The following SACM1L variants were observed in gnomAD, a reference collection of about 807,000 sequenced individuals.
SACM1L encodes phosphatidylinositol-3-phosphatase SAC1.
In SACM1L, 32 loss-of-function variants were observed where a neutral mutation model predicts 89.5. That is an observed-to-expected ratio of 0.36 (90% CI 0.27 to 0.48). The LOEUF is 0.48. Ranked by LOEUF, SACM1L falls within the 20% of genes least tolerant of loss-of-function variation. SACM1L has a pLI of 0.99. For missense variants in SACM1L, 543 were observed against 708.5 expected (o/e 0.77, Z 2.65); for synonymous variants, 213 against 232.8 (o/e 0.92, Z 0.77).
chr3:45,704,603 G>C (rs545492354), intron 2 of SACM1L, among the ~76,000 whole-genome samples: 25 of 152,238 alleles, frequency 1.6e-4, no homozygotes, highest in African/African-American at 6.0e-4. Flanking sequence ...ATACAACCTA[G>C]TGTCTTACAA....
chr3:45,699,648 C>T (rs1358559207), intron 1 of SACM1L, among the ~76,000 whole-genome samples: 2 of 151,980 alleles, frequency 1.3e-5, no homozygotes, highest in African/African-American at 2.4e-5. Context: ...CTGCCTTAGC[C>T]TTAGCGGGGA....
intron 1 of SACM1L, among the ~76,000 whole-genome samples, chr3:45,702,626 G>A (rs1488413181): frequency 6.6e-6 from 1 of 152,144 alleles, no homozygotes; most frequent in Non-Finnish European, 1.5e-5. Context: ...TGAAAACGCA[G>A]TTTTACTTTA....
At chr3:45,702,409 G>C (rs1005853188) in intron 1 of SACM1L, among the ~76,000 whole-genome samples, 4 of 152,300 alleles carry the variant, frequency 2.6e-5, no homozygotes, top group Non-Finnish European at 4.4e-5. Flanking sequence ...TGCACAGATA[G>C]AACAGATAGA....
chr3:45,723,019 A>G (rs1698822263), intron 10 of SACM1L, 64 bp downstream of exon 10: 3 of 1,221,302 alleles, frequency 2.5e-6, no homozygotes, highest in Admixed American at 1.8e-5. Context: ...TATAATTTGC[A>G]TGTAAAGAAT....
Position 45,703,395 on chromosome 3 carries a change from C to T in SACM1L, c.33-43C>T, listed in dbSNP as rs1032516791. ...TAATAAGTAGTTTTTTAGAAGTCTTCATTTCATTTGGTTAGTTATTTATGT... is the reference window on the plus strand; with the variant it reads ...TAATAAGTAGTTTTTTAGAAGTCTTTATTTCATTTGGTTAGTTATTTATGT... On this transcript the variant is annotated intron_variant, in intron 1 of 19. Transcript: ENST00000389061. 5.3e-6 allele frequency: 7 copies of T among 1,325,922 alleles called. No homozygotes were observed. The South Asian group carries it at 8.3e-5, about 16-fold the overall frequency. 82.1% of individuals were successfully genotyped at this position (1,325,922 alleles called of 1,614,324 possible).
chr3:45,703,749 G>A (rs1262006896), intron 2 of SACM1L, among the ~76,000 whole-genome samples: 1 of 151,948 alleles, frequency 6.6e-6, no homozygotes, highest in African/African-American at 2.4e-5. Flanking sequence ...GAAAATTTTA[G>A]GTAGCATTTT....
In SACM1L at chr3:45,738,583, G is replaced by A; in HGVS notation, c.1388G>A (p.Gly463Glu). The A allele has an allele frequency of 1.2e-6, 2 of 1,605,820 alleles. No homozygotes were observed. The highest frequency in any genetic ancestry group is 1.7e-6 in the Non-Finnish European group (2 of 1,172,934). ...GALKTDFTRT[G>E]KRTHLGLIMD... ...AATTTAACCTCTTTAACCAGAACTG[G>A]AAAGAGAACTCATTTGGGACTTATA... The change falls in exon 17 of 20, where the codon GGA becomes GAA. Residue 463 changes from glycine (G) to glutamate (E), a missense_variant. Transcript: ENST00000389061.
In SACM1L at chr3:45,728,248, C is replaced by T. The variant is rs9879869; in HGVS notation, c.922-3053C>T. Among the ~76,000 whole-genome samples, 393 of 152,254 alleles carry T rather than the reference C, an allele frequency of 2.6e-3. 6 individuals are homozygous for T. The highest frequency in any genetic ancestry group is 9.0e-3 in the African/African-American group (373 of 41,552). On this transcript the variant is annotated intron_variant, in intron 11 of 19. Coordinates refer to ENST00000389061, the MANE Select transcript of SACM1L (RefSeq NM_014016.5). ...TATTTTTTTCCATTTTGCCAGTCTACTTATTTTTACTGGAGAGTTAATCCA... is the reference window on the plus strand; with the variant it reads ...TATTTTTTTCCATTTTGCCAGTCTATTTATTTTTACTGGAGAGTTAATCCA...
intron 1 of SACM1L, among the ~76,000 whole-genome samples, chr3:45,695,134 G>A (rs547973025): frequency 6.6e-6 from 1 of 152,270 alleles, no homozygotes; most frequent in South Asian, 2.1e-4. Flanking sequence ...CTGCCTATGA[G>A]TGTAGTATGT....
intron 16 of SACM1L, 121 bp from the exon 17 acceptor site, chr3:45,738,457 T>C: frequency 1.6e-6 from 1 of 613,380 alleles, no homozygotes; most frequent in South Asian, 2.1e-5. Context: ...ATCTGTATTT[T>C]CAGGGATAGT....
chr3:45,709,716 A>C, intron 5 of SACM1L, 69 bp downstream of exon 5: 1 of 1,369,502 alleles, frequency 7.3e-7, no homozygotes, highest in Non-Finnish European at 1.0e-6. Context: ...TTCATGCATA[A>C]AAATTTATAT....
At chr3:45,736,420 A>G (rs1699197838) in intron 14 of SACM1L, among the ~76,000 whole-genome samples, 1 of 152,170 alleles carries the variant, frequency 6.6e-6, no homozygotes, top group Admixed American at 6.6e-5. Context: ...AATGCATACC[A>G]CATGGTTTCC....
chr3:45,690,956 T>C (rs549210423), intron 1 of SACM1L, among the ~76,000 whole-genome samples: 7 of 152,230 alleles, frequency 4.6e-5, no homozygotes, highest in Non-Finnish European at 1.0e-4. Flanking sequence ...CATGGCTTCA[T>C]GCAGCTTAGC....
Position 45,722,934 on chromosome 3 carries a change from G to C in SACM1L, c.831G>C (p.Gln277His), listed in dbSNP as rs1213908372. 1.2e-6 allele frequency: 2 copies of C among 1,613,530 alleles called. No homozygotes were observed. The highest frequency in any genetic ancestry group is 1.1e-5 in the South Asian group (1 of 91,032). The change falls in exon 10 of 20, where the codon CAG becomes CAC. Residue 277 changes from glutamine to histidine, a missense_variant. By Grantham distance (24) the Gln-to-His change is conservative. Around this residue, in one of 2 missense-constraint regions of SACM1L, gnomAD observed 370 missense variants for 527.6 expected, o/e 0.70. Transcript: ENST00000389061. ...RPNLKYKPLP[Q>H]ISKVANHMDG... The stretch of plus-strand genomic sequence containing the variant: ...ACCTCAAGTACAAACCACTGCCACA[G>C]ATCAGCAAAGTAGCAAATCACGTGT...
chr3:45,695,166 AGTT>A lies in SACM1L; in HGVS notation c.32+5673_32+5675del, dbSNP rs1698091599. Among the ~76,000 whole-genome samples the A allele has an allele frequency of 2.6e-5, 4 of 152,170 alleles. No homozygotes were observed. In the South Asian group the frequency reaches 6.3e-4, roughly 24 times the overall value. The stretch of plus-strand genomic sequence containing the variant: ...ATGTGCAGGGGATCCTTCTTTACTA[AGTT>A]GTTTTCTTTTTGCTCACCAAACCTA... On this transcript the variant is annotated intron_variant, in intron 1 of 19. Coordinates refer to ENST00000389061, the MANE Select transcript of SACM1L (RefSeq NM_014016.5).
At chr3:45,700,684 C>T (rs1019748696) in intron 1 of SACM1L, among the ~76,000 whole-genome samples, 14 of 152,098 alleles carry the variant, frequency 9.2e-5, no homozygotes, top group Admixed American at 6.5e-4. Context: ...TTTTTTGAGA[C>T]AGAGTCTCAC....
At chr3:45,737,686 C>A in intron 15 of SACM1L, 34 bp downstream of exon 15, 1 of 1,573,418 alleles carries the variant, frequency 6.4e-7, no homozygotes, top group South Asian at 1.2e-5. Flanking sequence ...CAAAGTTGGT[C>A]AGATTTTGAA....
At chr3:45,717,066 T>A (rs1698678866) in intron 7 of SACM1L, among the ~76,000 whole-genome samples, 2 of 152,220 alleles carry the variant, frequency 1.3e-5, no homozygotes, top group South Asian at 4.1e-4. Flanking sequence ...AATATTACAT[T>A]GGAGTCTTCT....
Position 45,737,634 on chromosome 3 carries a change from GAGA to G in SACM1L, c.1295_1297del (p.Lys432del), listed in dbSNP as rs1391756711. The G allele has an allele frequency of 3.1e-6, 5 of 1,592,880 alleles. No individual in the cohort carries two copies. Among genetic ancestry groups the G allele is most frequent in the Non-Finnish European group, 3.4e-6 (4 of 1,175,000 alleles). On this transcript the variant is annotated inframe_deletion, in exon 15 of 20. Coordinates refer to ENST00000389061, the MANE Select transcript of SACM1L (RefSeq NM_014016.5). ...AAAGCTTGAAGAACAAGATGAATTT[GAGA>G]AGATTTACAAAAATGGTAGGTCATT...
Sources: allele counts gnomAD v4.1 joint callset (sites outside exome capture counted in the v4.1 genomes callset), GRCh38; gene constraint gnomAD v4.1.1; regional missense constraint gnomAD v4.1.1; transcripts MANE v1.5; gene names NCBI Gene and HGNC (gene_info 2026-07-23, HGNC 2026-07-21).